The following HSPG2 variants were observed in gnomAD, a reference collection of about 807,000 sequenced individuals.
The protein encoded by HSPG2 is basement membrane-specific heparan sulfate proteoglycan core protein.
In HSPG2, 278 loss-of-function variants were observed where a neutral mutation model predicts 526.6. That is an observed-to-expected ratio of 0.53 (90% CI 0.48 to 0.58). The LOEUF is 0.58. Among genes scored for constraint, HSPG2 ranks in the 20% least tolerant of loss-of-function variants. The pLI is 0.00. For synonymous variants in HSPG2, 2,465 were observed against 2,555.4 expected (o/e 0.96, Z 1.07); for missense variants, 5,354 against 6,099.5 (o/e 0.88, Z 4.07).
intron 1 of HSPG2, chr1:21,908,581 T>C (rs1643502899): frequency 3.0e-6 from 2 of 668,968 alleles, no homozygotes; most frequent in Non-Finnish European, 5.3e-6. Flanking sequence ...CACGGCATAA[T>C]AGGTATTTAA....
chr1:21,846,387 CA>C (rs1638438067), intron 63 of HSPG2, 60 bp downstream of exon 63: 4 of 1,611,842 alleles, frequency 2.5e-6, no homozygotes, highest in Non-Finnish European at 2.5e-6. Context: ...TCCCTCTTGG[CA>C]AAGCTAGCCA....
intron 1 of HSPG2, among the ~76,000 whole-genome samples, chr1:21,922,350 C>A (rs189896804): frequency 1.3e-5 from 2 of 152,194 alleles, no homozygotes; most frequent in African/African-American, 4.8e-5. Flanking sequence ...TGAAACGGTG[C>A]GGAATTGATG....
At chr1:21,897,757 G>T (rs1347778345) in intron 1 of HSPG2, among the ~76,000 whole-genome samples, 1 of 152,130 alleles carries the variant, frequency 6.6e-6, no homozygotes, top group Non-Finnish European at 1.5e-5. Context: ...AGGGCAGGCT[G>T]GGGGTGACTG....
At position 21,859,729 on chromosome 1, in the gene HSPG2, C is replaced by A; in HGVS notation, c.5183-53G>T. 6.3e-7 allele frequency: 1 copy of A among 1,583,082 alleles called. No individual in the cohort carries two copies. Among genetic ancestry groups the A allele is most frequent in the Non-Finnish European group, 8.6e-7 (1 of 1,162,862 alleles). The stretch of plus-strand genomic sequence containing the variant: ...GGTGCAGATACACTCTTTCTCACAT[C>A]CAGCCCCATGCACAAGGACAGCATC... On this transcript the variant is annotated intron_variant, in intron 41 of 96. Transcript: ENST00000374695. This position sits in a 1 kb window ranked among gnomAD's most constrained non-coding sequence, Gnocchi z 5.3.
At position 21,851,768 on chromosome 1, in the gene HSPG2, C is replaced by T. The variant is rs369976740; in HGVS notation, c.7006+23G>A. On this transcript the variant is annotated intron_variant, in intron 54 of 96. Transcript: ENST00000374695. The stretch of plus-strand genomic sequence containing the variant: ...CTCCAGCCTGTTCTCTGCATCCCAG[C>T]CCAGCCTGGTGGCCCCACTCACGGT... 3 of 1,613,890 alleles carry T rather than the reference C, an allele frequency of 1.9e-6. No homozygotes were observed. In the African/African-American group the frequency reaches 4.0e-5, roughly 22 times the overall value.
chr1:21,858,038 G>A lies in HSPG2; in HGVS notation c.5294-653C>T, dbSNP rs1378870420. ...GTGCATTCTAGGATTTCCCATTTCC[G>A]AAAACTCCCCCTTGACCTCATGCTC... is the stretch of plus-strand genomic sequence containing the variant. On this transcript the variant is annotated intron_variant, in intron 42 of 96. Coordinates refer to ENST00000374695, the MANE Select transcript of HSPG2 (RefSeq NM_005529.7). This position sits in a 1 kb window ranked among gnomAD's most constrained non-coding sequence, Gnocchi z 4.2. Among the ~76,000 whole-genome samples, 6 of 152,190 alleles carry A rather than the reference G, an allele frequency of 3.9e-5. No homozygotes were observed. In the South Asian group the frequency reaches 8.3e-4, roughly 21 times the overall value.
chr1:21,850,232 GTGAGA>G (rs1557713158), intron 56 of HSPG2, 40 bp from the exon 57 acceptor site: 1 of 1,612,944 alleles, frequency 6.2e-7, no homozygotes, highest in African/African-American at 1.3e-5. Context: ...CGGCTAGGAG[GTGAGA>G]TGAGATGGGG....
Position 21,838,912 on chromosome 1 carries a change from C to T in HSPG2, c.10063G>A (p.Ala3355Thr), listed in dbSNP as rs768303450. 20 of 1,612,164 alleles carry T rather than the reference C, an allele frequency of 1.2e-5. No homozygotes were observed. The South Asian group carries it at 1.9e-4, about 15-fold the overall frequency. Residue 3355 changes from alanine (A) to threonine (T), a missense_variant, in exon 74 of 97, where the codon GCA becomes ACA. By Grantham distance (58) the Ala-to-Thr change is moderately conservative. Transcript: ENST00000374695. ...ARNELLHFER[A>T]APEDSGRYRC... ...TAGCGGCCTGAGTCCTCAGGGGCTG[C>T]ACGCTCAAAGTGCAGCAGCTCGTTC...
Position 21,889,982 on chromosome 1 carries a change from T to C in HSPG2, c.573A>G (p.Thr191=). Residue 191 remains threonine (T), a splice_region_variant and synonymous_variant, in exon 6 of 97, where the codon ACA becomes ACG. Coordinates refer to ENST00000374695, the MANE Select transcript of HSPG2 (RefSeq NM_005529.7). Reference sequence around the variant, plus strand: ...TCCCAGACACCAGGATAGGCTCACCTGTGCCCAGGCGTCGGAACTGGAATC... The same window carrying C: ...TCCCAGACACCAGGATAGGCTCACCCGTGCCCAGGCGTCGGAACTGGAATC... The part of the protein sequence containing the change: ...PQGFQFRRLG[T]VPQFPRACTE... 3 of 1,614,028 alleles carry C rather than the reference T, an allele frequency of 1.9e-6. No homozygotes were observed. The highest frequency in any genetic ancestry group is 1.7e-6 in the Non-Finnish European group (2 of 1,179,946).
At chr1:21,916,536 CA>C (rs1389019569) in intron 1 of HSPG2, among the ~76,000 whole-genome samples, 4 of 150,244 alleles carry the variant, frequency 2.7e-5, no homozygotes, top group African/African-American at 4.9e-5. Flanking sequence ...ATAAATAACA[CA>C]AAAAAAATTG....
intron 1 of HSPG2, among the ~76,000 whole-genome samples, chr1:21,914,406 T>A: frequency 4.9e-5 from 1 of 20,302 alleles, no homozygotes; most frequent in African/African-American, 5.9e-5. Flanking sequence ...AGCCTCAGAA[T>A]GTTTTGGAAA....
chr1:21,899,138 G>GCC (rs995679875), intron 1 of HSPG2, among the ~76,000 whole-genome samples: 7 of 152,182 alleles, frequency 4.6e-5, no homozygotes, highest in African/African-American at 1.7e-4. Flanking sequence ...GTTGCTTGCA[G>GCC]CCCCCACCCT....
chr1:21,828,335 C>T lies in HSPG2; in HGVS notation c.12329G>A (p.Arg4110His), dbSNP rs149798152. 7.4e-6 allele frequency: 12 copies of T among 1,613,636 alleles called. No individual in the cohort carries two copies. The highest frequency in any genetic ancestry group is 5.3e-5 in the African/African-American group (4 of 74,924). The change falls in exon 89 of 97, where the codon CGC becomes CAC. Residue 4110 changes from arginine (R) to histidine (H), a missense_variant. Arg to His is a conservative substitution (Grantham distance 29). Transcript: ENST00000374695. The surrounding 1 kb of genome is among the most constrained non-coding windows in gnomAD (Gnocchi z 6.0). ...CGTGGCACCATGTTGGCAAGGCTGG[C>T]GCTCACATGGGGAGCTATCATAGCA... is the stretch of plus-strand genomic sequence containing the variant. Reference protein sequence around the residue: ...GQCYDSSPCERQPCQHGATCM... With the variant: ...GQCYDSSPCEHQPCQHGATCM...
intron 1 of HSPG2, among the ~76,000 whole-genome samples, chr1:21,924,494 G>T (rs1166700458): frequency 6.6e-6 from 1 of 152,138 alleles, no homozygotes; most frequent in African/African-American, 2.4e-5. Flanking sequence ...CCAACTTTTG[G>T]GGGGTAGTGA....
intron 3 of HSPG2, among the ~76,000 whole-genome samples, chr1:21,892,160 G>C (rs1335835683): frequency 6.6e-6 from 1 of 152,248 alleles, no homozygotes; most frequent in Non-Finnish European, 1.5e-5. Flanking sequence ...TGGCTCAGGT[G>C]AAGAAAGCCC....
chr1:21,877,567 C>T (rs1216811143), intron 21 of HSPG2: 2 of 150,418 alleles, frequency 1.3e-5, no homozygotes, highest in South Asian at 2.1e-4. Context: ...GGTGCGGTCT[C>T]AGCTCACTGC....
intron 57 of HSPG2, among the ~76,000 whole-genome samples, chr1:21,849,389 TG>T (rs1188281038): frequency 2.6e-5 from 4 of 152,246 alleles, no homozygotes; most frequent in African/African-American, 9.6e-5. Context: ...GTCCTTCACA[TG>T]GGGAAGGGGG....
chr1:21,923,462 G>A (rs1644101286), intron 1 of HSPG2, among the ~76,000 whole-genome samples: 2 of 152,042 alleles, frequency 1.3e-5, no homozygotes, highest in Admixed American at 1.3e-4. Flanking sequence ...TCGCTATTTT[G>A]CACATCCATG....
chr1:21,885,886 A>G (rs927487202), intron 9 of HSPG2, among the ~76,000 whole-genome samples: 5 of 152,200 alleles, frequency 3.3e-5, no homozygotes, highest in African/African-American at 1.2e-4. Flanking sequence ...GAGGGGCTCG[A>G]CGGTCTGTGC....
Sources: allele counts gnomAD v4.1 joint callset (sites outside exome capture counted in the v4.1 genomes callset), GRCh38; gene constraint gnomAD v4.1.1; non-coding constraint Gnocchi (gnomAD v3.1); transcripts MANE v1.5; gene names NCBI Gene and HGNC (gene_info 2026-07-23, HGNC 2026-07-21).